Variants in PLCXD3 observed in about 807,000 individuals in gnomAD.
The protein encoded by PLCXD3 is PI-PLC X domain-containing protein 3.
Under a neutral mutation model 25.5 loss-of-function variants are expected in PLCXD3, and 19 were observed. The observed-to-expected ratio is 0.75, with a 90% confidence interval of 0.52 to 1.09. The LOEUF (loss-of-function observed/expected upper bound fraction) is 1.09. Among genes scored for constraint, PLCXD3 ranks in the 50% least tolerant of loss-of-function variants. PLCXD3 has a pLI of 0.00. For synonymous variants in PLCXD3, 174 were observed against 137.6 expected (o/e 1.26, Z -1.85); for missense variants, 411 against 388.1 (o/e 1.06, Z -0.50).
At chr5:41,351,441 G>C (rs962775779) in intron 2 of PLCXD3, among the ~76,000 whole-genome samples, 1 of 152,186 alleles carries the variant, frequency 6.6e-6, no homozygotes, top group African/African-American at 2.4e-5. Flanking sequence ...AGGCCTGTAA[G>C]GGATATGAGG....
chr5:41,334,903 G>T (rs34716738), intron 2 of PLCXD3, among the ~76,000 whole-genome samples: 2,247 of 152,250 alleles, frequency 0.015, 38 homozygotes, highest in South Asian at 0.048. Flanking sequence ...CTCCTGGCGT[G>T]CAGGGACTAT....
intron 1 of PLCXD3, among the ~76,000 whole-genome samples, chr5:41,435,307 A>G (rs149175875): frequency 5.4e-4 from 83 of 152,308 alleles, no homozygotes; most frequent in African/African-American, 1.8e-3. Flanking sequence ...CATGTGGAGG[A>G]AATTTGTTTT....
intron 1 of PLCXD3, among the ~76,000 whole-genome samples, chr5:41,496,097 T>A (rs1351828577): frequency 6.6e-6 from 1 of 152,024 alleles, no homozygotes; most frequent in Non-Finnish European, 1.5e-5. Context: ...CTGGAGATAT[T>A]CAAGAGCAGA....
At chr5:41,443,127 T>A (rs1243067439) in intron 1 of PLCXD3, among the ~76,000 whole-genome samples, 5 of 150,194 alleles carry the variant, frequency 3.3e-5, no homozygotes, top group Non-Finnish European at 7.4e-5. Flanking sequence ...ATAATTCATA[T>A]ATACCCAATA....
intron 1 of PLCXD3, among the ~76,000 whole-genome samples, chr5:41,397,930 A>G (rs951303483): frequency 2.0e-5 from 3 of 152,120 alleles, no homozygotes; most frequent in African/African-American, 7.2e-5. Context: ...TTGGAATGGG[A>G]GGATTTATCC....
At chr5:41,326,478 A>G (rs1743630733) in intron 2 of PLCXD3, among the ~76,000 whole-genome samples, 1 of 151,958 alleles carries the variant, frequency 6.6e-6, no homozygotes, top group East Asian at 1.9e-4. Context: ...CATATCAGCT[A>G]CCATCTCCTC....
intron 2 of PLCXD3, among the ~76,000 whole-genome samples, chr5:41,340,256 C>G (rs748936263): frequency 6.6e-6 from 1 of 152,116 alleles, no homozygotes; most frequent in Non-Finnish European, 1.5e-5. Context: ...TTGCAACTCA[C>G]TGCACGTAGT....
At chr5:41,464,484 T>C (rs1401461072) in intron 1 of PLCXD3, among the ~76,000 whole-genome samples, 1 of 152,056 alleles carries the variant, frequency 6.6e-6, no homozygotes, top group Admixed American at 6.6e-5. Context: ...CTAATGTAGA[T>C]GATGGGTTGA....
At chr5:41,393,802 C>T (rs1296864441) in intron 1 of PLCXD3, among the ~76,000 whole-genome samples, 1 of 151,924 alleles carries the variant, frequency 6.6e-6, no homozygotes, top group Non-Finnish European at 1.5e-5. Context: ...TGGTGGTGGA[C>T]ACCTGTAGTC....
Position 41,321,816 on chromosome 5 carries a change from C to A in PLCXD3, c.813-8046G>T, listed in dbSNP as rs10075307. 2.8e-3 allele frequency among the ~76,000 whole-genome samples: 434 copies of A among 152,324 alleles called. 5 individuals are homozygous for A. The highest frequency in any genetic ancestry group is 9.9e-3 in the African/African-American group (413 of 41,578). On this transcript the variant is annotated intron_variant, in intron 2 of 2. Transcript: ENST00000377801. ...TTGACAAAGGTGCCACAAACACACA[C>A]TGGGGAAAAGACAGTATCTTCAGTA...
rs1445309453 is a variant in PLCXD3, at chr5:41,307,741, C to A, written c.*5876G>T. ...AATTCCGTAGATGACCAGTTTTAAC[C>A]TGATAAAAATAATTTGTGGTAAGAT... On this transcript the variant is annotated 3_prime_UTR_variant, in exon 3 of 3. Coordinates refer to ENST00000377801, the MANE Select transcript of PLCXD3 (RefSeq NM_001005473.3). The A allele has an allele frequency of 6.6e-6, 1 of 152,034 alleles. No individual in the cohort carries two copies. The highest frequency in any genetic ancestry group is 1.5e-5 in the Non-Finnish European group (1 of 68,006). 9.4% of individuals were successfully genotyped at this position (152,034 alleles called of 1,614,324 possible). A position where few individuals can be genotyped will look rare whatever the true frequency, so the allele number is the denominator to read the frequency against.
intron 2 of PLCXD3, among the ~76,000 whole-genome samples, chr5:41,369,501 G>C (rs866822739): frequency 6.6e-6 from 1 of 151,892 alleles, no homozygotes; most frequent in African/African-American, 2.4e-5. Flanking sequence ...TTTTTTCTTA[G>C]ACAGGGTCTT....
intron 2 of PLCXD3, among the ~76,000 whole-genome samples, chr5:41,365,035 CTT>C (rs1222579257): frequency 6.6e-6 from 1 of 152,168 alleles, no homozygotes; most frequent in Non-Finnish European, 1.5e-5. Context: ...ACTTTTCTCT[CTT>C]ATGTACATCT....
chr5:41,492,293 C>T (rs1394769725), intron 1 of PLCXD3, among the ~76,000 whole-genome samples: 1 of 152,208 alleles, frequency 6.6e-6, no homozygotes, highest in African/African-American at 2.4e-5. Flanking sequence ...AGAGTTTCTG[C>T]CGAGAGATCC....
At chr5:41,368,601 C>T (rs1406781742) in intron 2 of PLCXD3, among the ~76,000 whole-genome samples, 1 of 152,124 alleles carries the variant, frequency 6.6e-6, no homozygotes, top group Non-Finnish European at 1.5e-5. Flanking sequence ...GAGAGGGCAT[C>T]CTTGTCTTGT....
intron 2 of PLCXD3, among the ~76,000 whole-genome samples, chr5:41,325,652 C>G (rs546206016): frequency 1.3e-5 from 2 of 152,100 alleles, no homozygotes; most frequent in Non-Finnish European, 2.9e-5. Context: ...CTAATTAGGA[C>G]ATTGCTGGTT....
At chr5:41,383,376 A>C (rs953993534) in intron 1 of PLCXD3, among the ~76,000 whole-genome samples, 2 of 152,092 alleles carry the variant, frequency 1.3e-5, no homozygotes, top group Non-Finnish European at 2.9e-5. Context: ...TATTTTTGGC[A>C]GTTGCAAATT....
At chr5:41,347,818 G>A (rs553943140) in intron 2 of PLCXD3, among the ~76,000 whole-genome samples, 14 of 152,270 alleles carry the variant, frequency 9.2e-5, no homozygotes, top group East Asian at 5.8e-4. Flanking sequence ...GACTGAGAGA[G>A]GAAAAACATA....
intron 2 of PLCXD3, among the ~76,000 whole-genome samples, chr5:41,369,412 T>C (rs1487229902): frequency 1.3e-5 from 2 of 152,190 alleles, no homozygotes; most frequent in Non-Finnish European, 2.9e-5. Flanking sequence ...AATTAAACTC[T>C]TGAAAATGAA....
Sources: allele counts gnomAD v4.1 joint callset (sites outside exome capture counted in the v4.1 genomes callset), GRCh38; gene constraint gnomAD v4.1.1; transcripts MANE v1.5; gene names NCBI Gene and HGNC (gene_info 2026-07-23, HGNC 2026-07-21).